The following GOLT1A variants were observed in gnomAD, a reference collection of about 807,000 sequenced individuals.
GOLT1A encodes golgi transport 1A.
GOLT1A carries 10 observed loss-of-function variants against 16.1 expected under a neutral mutation model. That is an observed-to-expected ratio of 0.62 (90% CI 0.38 to 1.05). The LOEUF (loss-of-function observed/expected upper bound fraction) is 1.05. GOLT1A is among the 50% of genes least tolerant of loss of function. The pLI is 0.01. For synonymous variants in GOLT1A, 60 were observed against 67.9 expected, an observed-to-expected ratio of 0.88 and a Z score of 0.57; for missense variants, 137 against 165.7, an observed-to-expected ratio of 0.83 and a Z score of 0.95.
At chr1:204,204,115 A>G (rs1659005773) in intron 1 of GOLT1A, among the ~76,000 whole-genome samples, 2 of 152,244 alleles carry the variant, frequency 1.3e-5, no homozygotes, top group South Asian at 4.1e-4. Context: ...GTCAATAAAT[A>G]AAAATTCATT....
In GOLT1A at chr1:204,199,249, GAAAAA is replaced by G; in HGVS notation, c.301_305del (p.Phe101ProfsTer27). On this transcript the variant is annotated frameshift_variant, in exon 4 of 5. Coordinates refer to ENST00000308302, the MANE Select transcript of GOLT1A (RefSeq NM_198447.2). LOFTEE classifies it high-confidence loss of function. ...TGCCCAGGAAGCCGAAGGCGACAGG[GAAAAA>G]GCCCCTAGGAGCAGAGGGGAGAAGG... 6.2e-7 allele frequency: 1 copy of G among 1,603,780 alleles called. No individual in the cohort carries two copies. The highest frequency in any genetic ancestry group is 1.1e-5 in the South Asian group (1 of 88,210).
intron 2 of GOLT1A, 41 bp downstream of exon 2, chr1:204,202,855 G>T (rs1389358899): frequency 1.4e-6 from 2 of 1,424,196 alleles, no homozygotes; most frequent in Non-Finnish European, 2.0e-6. Context: ...CTTCAGAAAG[G>T]TTGGGGCAGG....
chr1:204,209,516 C>T (rs1482367502), intron 1 of GOLT1A, among the ~76,000 whole-genome samples: 1 of 152,188 alleles, frequency 6.6e-6, no homozygotes, highest in Non-Finnish European at 1.5e-5. Context: ...GAGAAAGAGC[C>T]TCATTCACTT....
Position 204,202,941 on chromosome 1 carries a change from A to G in GOLT1A, c.72T>C (p.Phe24=), listed in dbSNP as rs146078735. ...ITGFGIFFIL[F]GTLLYFDSVL... ...CGGAATCAAAGTACAGGAGTGTTCC[A>G]AAGAGGATGAAGAAGATGCCGAAAC... Residue 24 remains phenylalanine, a synonymous_variant, in exon 2 of 5, where the codon TTT becomes TTC. Coordinates refer to ENST00000308302, the MANE Select transcript of GOLT1A (RefSeq NM_198447.2). The G allele has an allele frequency of 5.7e-4, 919 of 1,614,044 alleles. No individual in the cohort carries two copies. The highest frequency in any genetic ancestry group is 7.5e-4 in the Non-Finnish European group (881 of 1,180,014).
chr1:204,199,399 C>T (rs760817514), intron 3 of GOLT1A, 141 bp from the exon 4 acceptor site: 65 of 682,514 alleles, frequency 9.5e-5, no homozygotes, highest in Non-Finnish European at 1.4e-4. Context: ...TCCTGTGTTC[C>T]GAGAGACAGT....
At chr1:204,206,907 C>T (rs891304925) in intron 1 of GOLT1A, among the ~76,000 whole-genome samples, 1 of 152,210 alleles carries the variant, frequency 6.6e-6, no homozygotes, top group African/African-American at 2.4e-5. Context: ...ACCTGTTCTA[C>T]ACTCTTCTTT....
At chr1:204,212,493 C>T (rs1458626372) in intron 1 of GOLT1A, among the ~76,000 whole-genome samples, 3 of 151,920 alleles carry the variant, frequency 2.0e-5, no homozygotes, top group Non-Finnish European at 4.4e-5. Flanking sequence ...AAAAATTAGC[C>T]AGGTGTGGTG....
At chr1:204,205,436 G>C (rs1659026328) in intron 1 of GOLT1A, among the ~76,000 whole-genome samples, 1 of 152,140 alleles carries the variant, frequency 6.6e-6, no homozygotes. Context: ...CCATTTCATG[G>C]TCTTGATGCC....
At chr1:204,200,434 G>C (rs551322226) in intron 3 of GOLT1A, among the ~76,000 whole-genome samples, 1 of 149,568 alleles carries the variant, frequency 6.7e-6, no homozygotes, top group Non-Finnish European at 1.5e-5. Flanking sequence ...AGCAATTCTT[G>C]TGTCTCAGCC....
At chr1:204,199,398 C>G in intron 3 of GOLT1A, 140 bp from the exon 4 acceptor site, 1 of 686,030 alleles carries the variant, frequency 1.5e-6, no homozygotes, top group East Asian at 2.7e-5. Context: ...CTCCTGTGTT[C>G]CGAGAGACAG....
chr1:204,199,749 G>T (rs1362108323), intron 3 of GOLT1A, among the ~76,000 whole-genome samples: 1 of 152,108 alleles, frequency 6.6e-6, no homozygotes, highest in Non-Finnish European at 1.5e-5. Context: ...TACACTCCCT[G>T]GTGCCCTGGC....
rs575281115 is a variant in GOLT1A at position 204,213,821 on chromosome 1, G to A, written c.25+61C>T. The A allele has an allele frequency of 3.2e-3, 5,030 of 1,583,364 alleles. 18 individuals carry two copies. The highest frequency in any genetic ancestry group is 3.6e-3 in the Admixed American group (214 of 58,664). ...TGACAGAGAGCCCAGCTGGGAGAGA[G>A]AGCCAGCCGGCAGGGAGCCTGGCCT... On this transcript the variant is annotated intron_variant, in intron 1 of 4. Coordinates refer to ENST00000308302, the MANE Select transcript of GOLT1A (RefSeq NM_198447.2).
At position 204,205,295 on chromosome 1, in the gene GOLT1A, T is replaced by A. The variant is rs193205048; in HGVS notation, c.26-2308A>T. ...ATTCTAAGAGTTTTATAGTTTTAGC[T>A]CTTATTTTTAGGGCTTTGATCTGCT... On this transcript the variant is annotated intron_variant, in intron 1 of 4. Coordinates refer to ENST00000308302, the MANE Select transcript of GOLT1A (RefSeq NM_198447.2). Among the ~76,000 whole-genome samples the A allele has an allele frequency of 2.6e-5, 4 of 152,344 alleles. No individual in the cohort carries two copies. In the East Asian group the frequency reaches 7.7e-4, roughly 29 times the overall value.
intron 3 of GOLT1A, 105 bp downstream of exon 3, chr1:204,201,528 T>C: frequency 3.4e-6 from 4 of 1,192,270 alleles, no homozygotes; most frequent in Non-Finnish European, 4.8e-6. Flanking sequence ...ATGGTTCTCA[T>C]CTCTTGCAGG....
rs1658961166 is a variant in GOLT1A at position 204,201,546 on chromosome 1, C to A, written c.296+87G>T. ...GTTCTCATCTCTTGCAGGATAAAGTCCCAGCTTCTGCACTCCCTGCTGGGG... is the reference window on the plus strand; with the variant it reads ...GTTCTCATCTCTTGCAGGATAAAGTACCAGCTTCTGCACTCCCTGCTGGGG... On this transcript the variant is annotated intron_variant, in intron 3 of 4. Coordinates refer to ENST00000308302, the MANE Select transcript of GOLT1A (RefSeq NM_198447.2). The A allele has an allele frequency of 2.2e-6, 3 of 1,371,666 alleles. No homozygotes were observed. The Admixed American group carries it at 6.0e-5, about 28-fold the overall frequency. The allele number at this position is 1,371,666 out of a possible 1,614,324, so 85.0% of individuals were successfully genotyped here.
intron 4 of GOLT1A, 92 bp downstream of exon 4, chr1:204,199,103 C>A: frequency 8.8e-7 from 1 of 1,141,916 alleles, no homozygotes; most frequent in Non-Finnish European, 1.3e-6. Flanking sequence ...GAGGCCACTG[C>A]CCCTGGGGCA....
chr1:204,201,579 A>G (rs1374550440), intron 3 of GOLT1A, 54 bp downstream of exon 3: 3 of 1,568,356 alleles, frequency 1.9e-6, no homozygotes, highest in Non-Finnish European at 2.6e-6. Context: ...GGGTGATCTC[A>G]GCCACTCAGA....
chr1:204,204,378 T>G (rs2102337033), intron 1 of GOLT1A, among the ~76,000 whole-genome samples: 1 of 152,354 alleles, frequency 6.6e-6, no homozygotes, highest in African/African-American at 2.4e-5. Flanking sequence ...GGGAACCTCC[T>G]ATAAGTGGAA....
At chr1:204,199,078 A>G (rs959933800) in intron 4 of GOLT1A, 117 bp downstream of exon 4, 1 of 854,764 alleles carries the variant, frequency 1.2e-6, no homozygotes, top group African/African-American at 1.7e-5. Context: ...AGGGGGTCTG[A>G]GGGGAGACAG....
Sources: gnomAD v4.1 joint callset for allele counts (sites outside exome capture counted in the v4.1 genomes callset) on GRCh38, gnomAD v4.1.1 for gene constraint, MANE v1.5 for transcripts, NCBI Gene and HGNC (gene_info 2026-07-23, HGNC 2026-07-21) for gene names.